SGCZ: variants seen among roughly 807,000 people sequenced by gnomAD.
SGCZ encodes the protein sarcoglycan zeta.
SGCZ carries 40 observed loss-of-function variants against 41.3 expected under a neutral mutation model. That is an observed-to-expected ratio of 0.97 (90% CI 0.75 to 1.26). The LOEUF (loss-of-function observed/expected upper bound fraction) is 1.26. Ranked by LOEUF, SGCZ falls within the 50% of genes most tolerant of loss-of-function variation. The pLI is 0.00. For missense variants in SGCZ, 552 were observed against 369.8 expected, an observed-to-expected ratio of 1.49 and a Z score of -4.04; for synonymous variants, 206 against 137.5, an observed-to-expected ratio of 1.50 and a Z score of -3.49.
intron 1 of SGCZ, among the ~76,000 whole-genome samples, chr8:14,764,637 G>C (rs191311575): frequency 5.3e-5 from 8 of 152,278 alleles, no homozygotes; most frequent in Non-Finnish European, 5.9e-5. Context: ...GACAATTGTG[G>C]TCAGGGTTGG....
chr8:14,826,764 G>A (rs1055780172), intron 1 of SGCZ, among the ~76,000 whole-genome samples: 2 of 152,076 alleles, frequency 1.3e-5, no homozygotes, highest in East Asian at 1.9e-4. Context: ...ATCCTTTGCC[G>A]ACTTTTTGAT....
At chr8:14,915,191 A>G (rs1481479689) in intron 1 of SGCZ, among the ~76,000 whole-genome samples, 2 of 152,194 alleles carry the variant, frequency 1.3e-5, no homozygotes, top group Non-Finnish European at 2.9e-5. Context: ...ATAAATAACA[A>G]TTTACAAATA....
At chr8:14,762,198 T>A (rs1430974568) in intron 1 of SGCZ, among the ~76,000 whole-genome samples, 1 of 152,166 alleles carries the variant, frequency 6.6e-6, no homozygotes, top group African/African-American at 2.4e-5. Flanking sequence ...GAAAAATAGC[T>A]GGGATTAAAT....
chr8:14,318,239 G>A (rs1044120084), intron 3 of SGCZ, among the ~76,000 whole-genome samples: 2 of 151,774 alleles, frequency 1.3e-5, no homozygotes, highest in African/African-American at 4.8e-5. Flanking sequence ...ACAGGAGGAA[G>A]AGGGAGAAGG....
At chr8:14,841,638 C>T (rs373851130) in intron 1 of SGCZ, among the ~76,000 whole-genome samples, 2 of 152,026 alleles carry the variant, frequency 1.3e-5, no homozygotes, top group Non-Finnish European at 2.9e-5. Context: ...GTTATTATGT[C>T]GATGGCCAAG....
At chr8:15,128,840 G>C (rs952632758) in intron 1 of SGCZ, among the ~76,000 whole-genome samples, 2 of 152,050 alleles carry the variant, frequency 1.3e-5, no homozygotes, top group African/African-American at 2.4e-5. Context: ...CTTCCCCTTA[G>C]ACTGCTGAAC....
rs1800907056 is a variant in SGCZ at position 15,202,010 on chromosome 8, T to C, written c.39+35575A>G. On this transcript the variant is annotated intron_variant, in intron 1 of 7. Coordinates refer to ENST00000382080, the MANE Select transcript of SGCZ (RefSeq NM_139167.4). ...TCTGATTTAAAAGAATTAGGGATGC[T>C]TTTTCATCTTATTTTAGAAACTCAA... Among the ~76,000 whole-genome samples, 3 of 152,346 alleles carry C rather than the reference T, an allele frequency of 2.0e-5. No individual in the cohort carries two copies. In the South Asian group the frequency reaches 6.2e-4, roughly 32 times the overall value.
chr8:14,393,699 T>C (rs564079066), intron 2 of SGCZ, among the ~76,000 whole-genome samples: 83 of 152,296 alleles, frequency 5.4e-4, no homozygotes, highest in African/African-American at 1.8e-3. Flanking sequence ...CAATTCCTCC[T>C]GTGCCCATGT....
intron 5 of SGCZ, among the ~76,000 whole-genome samples, chr8:14,116,046 C>T (rs1447771927): frequency 3.3e-5 from 5 of 152,062 alleles, no homozygotes; most frequent in Middle Eastern, 3.4e-3. Flanking sequence ...TTCCTTAGGA[C>T]TTCTGGTACA....
intron 5 of SGCZ, among the ~76,000 whole-genome samples, chr8:14,156,912 G>C (rs570091455): frequency 6.6e-6 from 1 of 152,238 alleles, no homozygotes; most frequent in African/African-American, 2.4e-5. Context: ...GGACCTGCCT[G>C]AGGATGTTCT....
intron 2 of SGCZ, among the ~76,000 whole-genome samples, chr8:14,405,336 A>G (rs1489137160): frequency 1.9e-4 from 28 of 150,806 alleles, no homozygotes; most frequent in Admixed American, 8.6e-4. Context: ...TGATTACTTT[A>G]TGTATCTTCC....
chr8:14,724,606 T>C (rs1253459538), intron 1 of SGCZ, among the ~76,000 whole-genome samples: 1 of 151,726 alleles, frequency 6.6e-6, no homozygotes, highest in African/African-American at 2.4e-5. Context: ...GATATTAATA[T>C]AAATAATCAG....
chr8:14,455,457 C>T (rs1585537441), intron 2 of SGCZ, among the ~76,000 whole-genome samples: 1 of 22,518 alleles, frequency 4.4e-5, no homozygotes, highest in South Asian at 2.1e-3. Flanking sequence ...TGCATGCATA[C>T]ACACACACAC....
chr8:14,245,247 A>T (rs1166077033), intron 3 of SGCZ, among the ~76,000 whole-genome samples: 2 of 152,116 alleles, frequency 1.3e-5, no homozygotes, highest in East Asian at 3.9e-4. Context: ...CAGAACAGAG[A>T]TATAGATCAA....
At chr8:14,806,035 GAA>G (rs1404021869) in intron 1 of SGCZ, among the ~76,000 whole-genome samples, 14 of 151,578 alleles carry the variant, frequency 9.2e-5, no homozygotes, top group African/African-American at 3.4e-4. Flanking sequence ...AAACCAACGA[GAA>G]CAAAGATACA....
chr8:14,160,360 G>C (rs907402065), intron 5 of SGCZ, among the ~76,000 whole-genome samples: 1 of 152,182 alleles, frequency 6.6e-6, no homozygotes, highest in East Asian at 1.9e-4. Context: ...CTGCCTGAAA[G>C]CATTAAATTT....
At chr8:14,532,254 AT>A (rs1444957444) in intron 2 of SGCZ, among the ~76,000 whole-genome samples, 2 of 149,436 alleles carry the variant, frequency 1.3e-5, no homozygotes, top group East Asian at 2.0e-4. Flanking sequence ...TGAAAAAAAA[AT>A]TTCAATTGCA....
chr8:14,754,371 T>C (rs1799592173), intron 1 of SGCZ, among the ~76,000 whole-genome samples: 1 of 152,184 alleles, frequency 6.6e-6, no homozygotes, highest in Non-Finnish European at 1.5e-5. Context: ...TTTTTCTTCT[T>C]TTCCATAGTA....
intron 5 of SGCZ, among the ~76,000 whole-genome samples, chr8:14,124,170 T>C (rs1368291930): frequency 6.6e-6 from 1 of 152,224 alleles, no homozygotes; most frequent in Non-Finnish European, 1.5e-5. Context: ...TGCTAAATTT[T>C]TAGTAATTAT....
Sources: gnomAD v4.1 joint callset for allele counts (sites outside exome capture counted in the v4.1 genomes callset) on GRCh38, gnomAD v4.1.1 for gene constraint, MANE v1.5 for transcripts, NCBI Gene and HGNC (gene_info 2026-07-23, HGNC 2026-07-21) for gene names.